Variants in CEP112 observed in about 807,000 individuals in gnomAD.
CEP112 encodes the protein centrosomal protein of 112 kDa.
CEP112 carries 127 observed loss-of-function variants against 153.0 expected under a neutral mutation model. The ratio of observed to expected loss-of-function variants is 0.83; its 90% CI spans 0.72 to 0.96. The LOEUF (loss-of-function observed/expected upper bound fraction) is 0.96, where lower values mean the gene tolerates loss of function less well. CEP112 is among the 40% of genes least tolerant of loss of function. The pLI is 0.00. For synonymous variants in CEP112, 358 were observed against 374.4 expected, an observed-to-expected ratio of 0.96 and a Z score of 0.51; for missense variants, 1,089 against 1,101.2, an observed-to-expected ratio of 0.99 and a Z score of 0.16.
At chr17:65,901,959 G>A (rs1428039138) in intron 20 of CEP112, among the ~76,000 whole-genome samples, 193 bp downstream of exon 20, 1 of 107,842 alleles carries the variant, frequency 9.3e-6, no homozygotes, top group Non-Finnish European at 1.7e-5. Flanking sequence ...GGTTTCTGTA[G>A]TTAAGGCTTT....
chr17:65,779,823 T>G (rs922235550), intron 21 of CEP112, among the ~76,000 whole-genome samples: 2 of 152,144 alleles, frequency 1.3e-5, no homozygotes, highest in Non-Finnish European at 2.9e-5. Context: ...TTTTGAGAAG[T>G]GTTGTAGTGT....
chr17:65,721,009 CTTTTT>C (rs57507655), intron 23 of CEP112, among the ~76,000 whole-genome samples: 62 of 125,740 alleles, frequency 4.9e-4, no homozygotes, highest in African/African-American at 1.8e-3. Context: ...CTCTCTCTCT[CTTTTT>C]TTTTTTTTTT....
chr17:65,710,549 C>A (rs1025530952), intron 23 of CEP112, among the ~76,000 whole-genome samples: 3 of 152,120 alleles, frequency 2.0e-5, no homozygotes, highest in African/African-American at 7.2e-5. Context: ...CCTTTCCTTG[C>A]CCTAAATGGT....
chr17:65,732,059 A>C (rs2050538824), intron 23 of CEP112, among the ~76,000 whole-genome samples: 1 of 152,220 alleles, frequency 6.6e-6, no homozygotes, highest in Non-Finnish European at 1.5e-5. Context: ...TTTTCAATTT[A>C]CTTTGCCCAG....
chr17:65,728,834 A>ATTT (rs1398250734), intron 23 of CEP112, among the ~76,000 whole-genome samples: 5 of 152,162 alleles, frequency 3.3e-5, no homozygotes. Context: ...TGGTGAGTGA[A>ATTT]TGTGAAGGCC....
chr17:66,043,403 TCA>T (rs938795142), intron 12 of CEP112, among the ~76,000 whole-genome samples: 34 of 148,428 alleles, frequency 2.3e-4, no homozygotes, highest in African/African-American at 7.3e-4. Context: ...TATTACTTTA[TCA>T]CAGTTTTGAT....
intron 4 of CEP112, among the ~76,000 whole-genome samples, chr17:66,142,151 T>C (rs966889559): frequency 1.3e-5 from 2 of 152,174 alleles, no homozygotes; most frequent in Non-Finnish European, 2.9e-5. Flanking sequence ...ATTTTATATA[T>C]TGTATGTCCA....
chr17:65,974,044 C>A (rs2062943206), intron 17 of CEP112, among the ~76,000 whole-genome samples: 1 of 151,880 alleles, frequency 6.6e-6, no homozygotes, highest in South Asian at 2.1e-4. Flanking sequence ...TAACAACATT[C>A]TACTTGGGAG....
chr17:65,971,486 ATGAATG>A (rs2062809112), intron 17 of CEP112, among the ~76,000 whole-genome samples: 1 of 150,962 alleles, frequency 6.6e-6, no homozygotes, highest in Non-Finnish European at 1.5e-5. Flanking sequence ...CATGTATGAC[ATGAATG>A]TCATACATAT....
chr17:65,854,975 A>G (rs1242091167), intron 20 of CEP112, among the ~76,000 whole-genome samples: 2 of 152,198 alleles, frequency 1.3e-5, no homozygotes. Context: ...AAAAAAGCTC[A>G]GGGATATCAA....
At chr17:65,894,480 A>G (rs1235584409) in intron 20 of CEP112, among the ~76,000 whole-genome samples, 1 of 152,062 alleles carries the variant, frequency 6.6e-6, no homozygotes, top group African/African-American at 2.4e-5. Context: ...ATGCAATAGG[A>G]TCCTCATTCA....
chr17:65,917,124 C>T (rs567417059), intron 19 of CEP112, among the ~76,000 whole-genome samples: 3 of 152,236 alleles, frequency 2.0e-5, no homozygotes, highest in Admixed American at 2.0e-4. Context: ...CAATCTGTGA[C>T]TTGTGGTGTA....
intron 17 of CEP112, among the ~76,000 whole-genome samples, chr17:65,999,563 A>ATT (rs11399557): frequency 6.2e-4 from 92 of 147,650 alleles, no homozygotes; most frequent in Middle Eastern, 3.5e-3. Flanking sequence ...TCCTGAAAGC[A>ATT]TTTTTTTTTT....
At chr17:65,890,941 C>T (rs1310407978) in intron 20 of CEP112, among the ~76,000 whole-genome samples, 8 of 152,124 alleles carry the variant, frequency 5.3e-5, no homozygotes, top group Non-Finnish European at 8.8e-5. Context: ...CCTCTGTCTA[C>T]GTTAAAGGAA....
At position 65,823,177 on chromosome 17, in the gene CEP112, AG is replaced by A. The variant is rs148827320; in HGVS notation, c.2394+28626del. Among the ~76,000 whole-genome samples the A allele has an allele frequency of 3.1e-3, 477 of 152,234 alleles. 3 individuals are homozygous for A. Among genetic ancestry groups the A allele is most frequent in the African/African-American group, 0.011 (455 of 41,578 alleles). ...AAAATATCTCGGTAGGATTTTGTGT[AG>A]AATTCATTATGCTGATTCTAAGAAA... On this transcript the variant is annotated intron_variant, in intron 21 of 26. Coordinates refer to ENST00000535342, the MANE Select transcript of CEP112 (RefSeq NM_001199165.4).
At chr17:65,998,563 T>C (rs962072817) in intron 17 of CEP112, among the ~76,000 whole-genome samples, 5 of 151,790 alleles carry the variant, frequency 3.3e-5, no homozygotes, top group Non-Finnish European at 7.4e-5. Flanking sequence ...AAAAAACTGA[T>C]GTCAGGAAAA....
At chr17:65,759,062 A>G (rs1188806044) in intron 21 of CEP112, among the ~76,000 whole-genome samples, 1 of 152,112 alleles carries the variant, frequency 6.6e-6, no homozygotes, top group African/African-American at 2.4e-5. Context: ...GCCAAAACCC[A>G]CCAAAACCAA....
chr17:65,816,717 T>C (rs978328678), intron 21 of CEP112, among the ~76,000 whole-genome samples: 8 of 152,026 alleles, frequency 5.3e-5, no homozygotes, highest in Non-Finnish European at 1.2e-4. Context: ...TGTTAAGTGA[T>C]TTTTTGTGTG....
chr17:65,640,310 C>T (rs538712430), intron 25 of CEP112, among the ~76,000 whole-genome samples: 13 of 151,282 alleles, frequency 8.6e-5, no homozygotes, highest in East Asian at 7.8e-4. Flanking sequence ...CGGGCCACCA[C>T]GCCCCGCTAA....
Sources: allele counts gnomAD v4.1 joint callset (sites outside exome capture counted in the v4.1 genomes callset), GRCh38; gene constraint gnomAD v4.1.1; transcripts MANE v1.5; gene names NCBI Gene and HGNC (gene_info 2026-07-23, HGNC 2026-07-21).